AGXT2: variants seen among roughly 807,000 people sequenced by gnomAD.
AGXT2 encodes alanine--glyoxylate aminotransferase 2, mitochondrial.
AGXT2 carries 61 observed loss-of-function variants against 62.5 expected under a neutral mutation model. The observed-to-expected ratio is 0.98, with a 90% CI of 0.79 to 1.21. The LOEUF (loss-of-function observed/expected upper bound fraction) is 1.21. Ranked by LOEUF, AGXT2 falls within the 50% of genes most tolerant of loss-of-function variation. The probability of loss-of-function intolerance (pLI) is 0.00; values close to 1 mark genes in which losing one functional copy is unlikely to be tolerated. For missense variants in AGXT2, 666 were observed against 641.5 expected, an observed-to-expected ratio of 1.04 and a Z score of -0.41; for synonymous variants, 243 against 218.7, an observed-to-expected ratio of 1.11 and a Z score of -0.98.
chr5:35,030,863 T>G (rs1415582433), intron 7 of AGXT2, among the ~76,000 whole-genome samples: 3 of 152,222 alleles, frequency 2.0e-5, no homozygotes, highest in Non-Finnish European at 4.4e-5. Flanking sequence ...AGATGCAATA[T>G]TCAAATACGG....
chr5:35,012,870 A>G, intron 11 of AGXT2, 84 bp downstream of exon 11: 1 of 1,205,346 alleles, frequency 8.3e-7, no homozygotes, highest in South Asian at 1.3e-5. Flanking sequence ...ACAACTCAGC[A>G]TGATAGAGTT....
At chr5:35,015,824 T>G (rs1337129438) in intron 9 of AGXT2, among the ~76,000 whole-genome samples, 1 of 117,512 alleles carries the variant, frequency 8.5e-6, no homozygotes, top group Non-Finnish European at 1.6e-5. Context: ...CACTCCAGCC[T>G]GGGCAACAGA....
Position 35,047,087 on chromosome 5 carries a change from G to A in AGXT2, c.88+718C>T, listed in dbSNP as rs570091228. ...ACAGCACTTGTTGGCAATTGAGAGC[G>A]TGGTCTCACTTCCTAGAGGCATGAT... is the stretch of plus-strand genomic sequence containing the variant. On this transcript the variant is annotated intron_variant, in intron 1 of 13. Transcript: ENST00000231420. Among the ~76,000 whole-genome samples, 202 of 152,288 alleles carry A rather than the reference G, an allele frequency of 1.3e-3. 2 individuals are homozygous for A. Among genetic ancestry groups the A allele is most frequent in the Middle Eastern group, 6.8e-3 (2 of 294 alleles).
intron 12 of AGXT2, among the ~76,000 whole-genome samples, chr5:35,006,732 C>T (rs1766438482): frequency 6.6e-6 from 1 of 152,160 alleles, no homozygotes; most frequent in South Asian, 2.1e-4. Flanking sequence ...GAGCTGCAGA[C>T]AAATTACTGT....
intron 1 of AGXT2, among the ~76,000 whole-genome samples, chr5:35,045,575 A>G (rs1229773172): frequency 2.6e-5 from 4 of 152,134 alleles, no homozygotes; most frequent in African/African-American, 9.7e-5. Flanking sequence ...GAATGTATAT[A>G]TTGCACATGG....
chr5:35,030,651 GT>G (rs1406093463), intron 7 of AGXT2, among the ~76,000 whole-genome samples: 2 of 152,196 alleles, frequency 1.3e-5, no homozygotes, highest in African/African-American at 4.8e-5. Flanking sequence ...TTCTGGTATT[GT>G]CAAATTGGCT....
chr5:35,037,953 G>C (rs766557992), intron 3 of AGXT2, among the ~76,000 whole-genome samples: 22 of 150,126 alleles, frequency 1.5e-4, no homozygotes, highest in Non-Finnish European at 3.1e-4. Context: ...GACATTAATT[G>C]CTACAGTTTG....
intron 9 of AGXT2, among the ~76,000 whole-genome samples, chr5:35,014,724 G>A (rs559690060): frequency 1.3e-5 from 2 of 152,250 alleles, no homozygotes; most frequent in African/African-American, 4.8e-5. Flanking sequence ...CTCCATGAGG[G>A]TCATACAAAT....
chr5:34,998,459 A>C lies in AGXT2; in HGVS notation c.*260T>G. On this transcript the variant is annotated 3_prime_UTR_variant, in exon 14 of 14. Coordinates refer to ENST00000231420, the MANE Select transcript of AGXT2 (RefSeq NM_031900.4). Reference sequence around the variant, plus strand: ...AAACCAATCACTGCAAAGGGGAATCAAATTACCATACCTAACATAAACTAA... The same window carrying C: ...AAACCAATCACTGCAAAGGGGAATCCAATTACCATACCTAACATAAACTAA... The C allele has an allele frequency of 1.9e-6, 1 of 537,750 alleles. No homozygotes were observed. Among genetic ancestry groups the C allele is most frequent in the Non-Finnish European group, 3.3e-6 (1 of 299,450 alleles). The allele number at this position is 537,750 out of a possible 1,614,324, so 33.3% of individuals were successfully genotyped here.
intron 9 of AGXT2, among the ~76,000 whole-genome samples, chr5:35,022,974 A>G (rs1201835956): frequency 2.0e-5 from 3 of 151,572 alleles, no homozygotes; most frequent in Non-Finnish European, 4.4e-5. Context: ...GGTGATTTCA[A>G]TCACTGGCTC....
intron 7 of AGXT2, among the ~76,000 whole-genome samples, chr5:35,028,699 C>A (rs1405160172): frequency 6.6e-6 from 1 of 152,114 alleles, no homozygotes; most frequent in Non-Finnish European, 1.5e-5. Context: ...TTTTTATCCA[C>A]ACCTGTTATT....
chr5:35,029,542 G>C (rs1767484578), intron 7 of AGXT2, among the ~76,000 whole-genome samples: 1 of 152,206 alleles, frequency 6.6e-6, no homozygotes, highest in African/African-American at 2.4e-5. Flanking sequence ...CAGAGGCTTG[G>C]CAGGAAGAAA....
chr5:34,999,564 G>A (rs576215394), intron 13 of AGXT2, among the ~76,000 whole-genome samples: 93 of 152,238 alleles, frequency 6.1e-4, no homozygotes, highest in Non-Finnish European at 1.0e-3. Context: ...CACACAGCTA[G>A]GCTGAGTGAT....
Position 35,042,188 on chromosome 5 carries a change from G to A in AGXT2, c.89-1525C>T, listed in dbSNP as rs567988685. On this transcript the variant is annotated intron_variant, in intron 1 of 13. Transcript: ENST00000231420. ...TTATGAAAGTAGGCTGGAGGGGGAA[G>A]GGAGTTGGAGAGAAATACTTGACAA... is the stretch of plus-strand genomic sequence containing the variant. Among the ~76,000 whole-genome samples the A allele has an allele frequency of 2.6e-5, 4 of 152,310 alleles. No homozygotes were observed. In the East Asian group the frequency reaches 7.7e-4, roughly 29 times the overall value.
chr5:35,039,296 A>C, intron 3 of AGXT2, 28 bp downstream of exon 3: 2 of 1,610,312 alleles, frequency 1.2e-6, no homozygotes, highest in Non-Finnish European at 8.5e-7. Flanking sequence ...TTTTGGAATA[A>C]AAATCTCCAG....
chr5:35,042,209 G>T (rs777383629), intron 1 of AGXT2, among the ~76,000 whole-genome samples: 11 of 152,144 alleles, frequency 7.2e-5, no homozygotes, highest in Non-Finnish European at 1.3e-4. Flanking sequence ...AGAAATACTT[G>T]ACAAAGAAAA....
chr5:35,026,014 C>T (rs1401306209), intron 8 of AGXT2, 159 bp from the exon 9 acceptor site: 1 of 698,602 alleles, frequency 1.4e-6, no homozygotes, highest in East Asian at 2.7e-5. Context: ...GAAAAGAGGA[C>T]TTATTACTCT....
chr5:35,022,658 G>T (rs1365903267), intron 9 of AGXT2, among the ~76,000 whole-genome samples: 1 of 150,282 alleles, frequency 6.7e-6, no homozygotes, highest in Non-Finnish European at 1.5e-5. Flanking sequence ...CACCAGCATG[G>T]CACATGTATA....
intron 1 of AGXT2, 137 bp downstream of exon 1, chr5:35,047,668 T>C (rs370274375): frequency 9.1e-7 from 1 of 1,094,934 alleles, no homozygotes; most frequent in Non-Finnish European, 1.3e-6. Context: ...TGAGAACCTG[T>C]GTGTCAAAAA....
Sources: gnomAD v4.1 joint callset for allele counts (sites outside exome capture counted in the v4.1 genomes callset) on GRCh38, gnomAD v4.1.1 for gene constraint, MANE v1.5 for transcripts, NCBI Gene and HGNC (gene_info 2026-07-23, HGNC 2026-07-21) for gene names.